Variants in CFAP52 observed in about 807,000 individuals in gnomAD.
The protein encoded by CFAP52 is cilia- and flagella-associated protein 52.
CFAP52 carries 57 observed loss-of-function variants against 70.5 expected under a neutral mutation model. The ratio of observed to expected loss-of-function variants is 0.81; its 90% CI spans 0.65 to 1.01. CFAP52 has a LOEUF of 1.01. Among genes scored for constraint, CFAP52 ranks in the 50% least tolerant of loss-of-function variants. The pLI is 0.00. For missense variants in CFAP52, 785 were observed against 788.5 expected (o/e 1.00, Z 0.05); for synonymous variants, 267 against 292.5 (o/e 0.91, Z 0.89).
At chr17:9,624,475 G>T (rs1410255084) in intron 8 of CFAP52, among the ~76,000 whole-genome samples, 1 of 151,756 alleles carries the variant, frequency 6.6e-6, no homozygotes, top group Non-Finnish European at 1.5e-5. Flanking sequence ...TTTAGTTATT[G>T]TACTTCTTAC....
At chr17:9,605,096 T>C (rs371696052) in intron 6 of CFAP52, among the ~76,000 whole-genome samples, 1 of 152,170 alleles carries the variant, frequency 6.6e-6, no homozygotes, top group South Asian at 2.1e-4. Context: ...TCCTTGCTAT[T>C]TACCCAAAGG....
chr17:9,591,449 C>T (rs1403548483), intron 3 of CFAP52, among the ~76,000 whole-genome samples: 1 of 152,164 alleles, frequency 6.6e-6, no homozygotes, highest in African/African-American at 2.4e-5. Context: ...ATATGAAGGA[C>T]ATCTATGTCC....
Position 9,641,787 on chromosome 17 carries a change from T to A in CFAP52, c.1639T>A (p.Ser547Thr), listed in dbSNP as rs1220752460. The A allele has an allele frequency of 1.9e-6, 3 of 1,613,826 alleles. No homozygotes were observed. The African/African-American group carries it at 4.0e-5, about 22-fold the overall frequency. The change falls in exon 13 of 14, where the codon TCG becomes ACG. Residue 547 changes from serine to threonine, a missense_variant. Transcript: ENST00000352665. ...AGAATTGGAAGGTTCCCTGTCTGGG[T>A]CGATAAATGGCATGGATATCACACA... is the stretch of plus-strand genomic sequence containing the variant. ...IRELEGSLSG[S>T]INGMDITQEG...
rs931737817 is a variant in CFAP52 at position 9,641,950 on chromosome 17, G to T, written c.1687+115G>T. The T allele has an allele frequency of 8.8e-6, 7 of 797,026 alleles. No individual in the cohort carries two copies. The African/African-American group carries it at 1.2e-4, about 14-fold the overall frequency. The allele number at this position is 797,026 out of a possible 1,614,324, so 49.4% of individuals were successfully genotyped here. ...AACAAAAGGGTCTCAAGGCAACTTG[G>T]TTAGAATCAGATTCCAACCAATACT... On this transcript the variant is annotated intron_variant, in intron 13 of 13. Transcript: ENST00000352665.
chr17:9,628,224 A>C (rs1910311017), intron 8 of CFAP52, among the ~76,000 whole-genome samples: 1 of 152,080 alleles, frequency 6.6e-6, no homozygotes, highest in African/African-American at 2.4e-5. Context: ...GATGTTTCAA[A>C]TGGTCTGTAA....
chr17:9,612,170 T>G (rs1254535978), intron 7 of CFAP52, 139 bp from the exon 8 acceptor site: 5 of 1,124,150 alleles, frequency 4.4e-6, no homozygotes, highest in Admixed American at 2.5e-5. Flanking sequence ...GAGTAACTCC[T>G]GCCTTTTCAA....
intron 9 of CFAP52, among the ~76,000 whole-genome samples, 165 bp downstream of exon 9, chr17:9,628,985 C>G (rs916538910): frequency 2.6e-5 from 4 of 152,178 alleles, no homozygotes; most frequent in African/African-American, 9.7e-5. Flanking sequence ...TTCCTTCCAG[C>G]TGGGAGACTT....
intron 10 of CFAP52, among the ~76,000 whole-genome samples, chr17:9,634,578 A>G (rs1396597558): frequency 6.6e-6 from 1 of 152,186 alleles, no homozygotes; most frequent in East Asian, 1.9e-4. Context: ...TGACAGAGCG[A>G]CATTTTGTCT....
intron 8 of CFAP52, among the ~76,000 whole-genome samples, chr17:9,623,596 G>A (rs528207377): frequency 2.3e-4 from 35 of 152,182 alleles, no homozygotes; most frequent in African/African-American, 7.5e-4. Flanking sequence ...ATTTCTGATG[G>A]TCTTCATTCT....
rs1911175499 is a variant in CFAP52 at position 9,643,322 on chromosome 17, C to G, written c.*124C>G. 3.4e-6 allele frequency: 3 copies of G among 870,566 alleles called. No individual in the cohort carries two copies. The highest frequency in any genetic ancestry group is 3.5e-5 in the Admixed American group (1 of 28,350). The allele number at this position is 870,566 out of a possible 1,614,324, so 53.9% of individuals were successfully genotyped here. ...TTTTTGTTCTTGAGTCAATTTTTCT[C>G]TTTTTCTTTATAGAATGCATTTTAT... On this transcript the variant is annotated 3_prime_UTR_variant, in exon 14 of 14. Coordinates refer to ENST00000352665, the MANE Select transcript of CFAP52 (RefSeq NM_145054.5).
rs1220128491 is a variant in CFAP52, at chr17:9,612,466, A to G, written c.1012A>G (p.Ile338Val). The G allele has an allele frequency of 1.2e-6, 2 of 1,613,734 alleles. No individual in the cohort carries two copies. Among genetic ancestry groups the G allele is most frequent in the Non-Finnish European group, 1.7e-6 (2 of 1,179,916 alleles). Residue 338 changes from isoleucine (I) to valine (V), a missense_variant, in exon 8 of 14, where the codon ATT becomes GTT. Coordinates refer to ENST00000352665, the MANE Select transcript of CFAP52 (RefSeq NM_145054.5). ...TTGTCACTTTGATGCTGTCGAGGAT[A>G]TTGTCTTTCCATTGTGAGTAGAAGA... ...ATCHFDAVED[I>V]VFPFGTAELF...
chr17:9,600,220 C>T lies in CFAP52; in HGVS notation c.753+37C>T, dbSNP rs371613095. ...CCATCGCCACTGCCCTGCCATTTTT[C>T]TCCCTTCACTGGCAGCATGTACTTT... On this transcript the variant is annotated intron_variant, in intron 6 of 13. Transcript: ENST00000352665. 11 of 1,537,414 alleles carry T rather than the reference C, an allele frequency of 7.2e-6. No individual in the cohort carries two copies. The Admixed American group carries it at 8.5e-5, about 12-fold the overall frequency.
chr17:9,601,364 A>G (rs1191376133), intron 6 of CFAP52, among the ~76,000 whole-genome samples: 1 of 152,060 alleles, frequency 6.6e-6, no homozygotes, highest in African/African-American at 2.4e-5. Flanking sequence ...ATACATATGT[A>G]ACAAACCTGC....
At chr17:9,644,470 GA>G (rs11348110), downstream of CFAP52, among the ~76,000 whole-genome samples, 2,458 of 152,068 alleles carry the variant, frequency 0.016, 69 homozygotes, top group African/African-American at 0.056. Context: ...CAGAGCGTTA[GA>G]ATACTGCATC....
In CFAP52 at chr17:9,591,877, CA is replaced by C. The variant is rs1042657704; in HGVS notation, c.408-2306del. Reference sequence around the variant, plus strand: ...GGGGCAACAGAGAGAGACCTTGTCTCAAAAAAAAAATTGTTTTTGAAAAATT... The same window carrying C: ...GGGGCAACAGAGAGAGACCTTGTCTCAAAAAAAAATTGTTTTTGAAAAATT... On this transcript the variant is annotated intron_variant, in intron 3 of 13. Transcript: ENST00000352665. 1.7e-3 allele frequency among the ~76,000 whole-genome samples: 254 copies of C among 148,060 alleles called. 1 individual carries two copies. Among genetic ancestry groups the C allele is most frequent in the African/African-American group, 5.6e-3 (224 of 40,320 alleles).
intron 3 of CFAP52, among the ~76,000 whole-genome samples, chr17:9,593,948 A>G (rs372332663): frequency 6.6e-5 from 10 of 152,076 alleles, no homozygotes; most frequent in African/African-American, 2.4e-4. Context: ...CTGGGCAACA[A>G]GAGTGAAACT....
chr17:9,624,777 T>C (rs1041316031), intron 8 of CFAP52, among the ~76,000 whole-genome samples: 7 of 152,156 alleles, frequency 4.6e-5, no homozygotes, highest in African/African-American at 1.4e-4. Flanking sequence ...ATATAGAATA[T>C]ACTATAGCAA....
chr17:9,641,725 T>C lies in CFAP52; in HGVS notation c.1577T>C (p.Ile526Thr), dbSNP rs770066348. 2 of 1,611,420 alleles carry C rather than the reference T, an allele frequency of 1.2e-6. No individual in the cohort carries two copies. The highest frequency in any genetic ancestry group is 1.7e-6 in the Non-Finnish European group (2 of 1,177,728). ...QIITSGTDRK[I>T]AYWEVFDGTV... ...TAATGCTTCTTTCCTGAATTCCAGA[T>C]TGCTTACTGGGAAGTATTTGATGGG... Residue 526 changes from isoleucine to threonine, a missense_variant and splice_region_variant, in exon 13 of 14, where the codon ATT becomes ACT. Coordinates refer to ENST00000352665, the MANE Select transcript of CFAP52 (RefSeq NM_145054.5).
chr17:9,580,554 C>T (rs764994440), intron 1 of CFAP52, among the ~76,000 whole-genome samples: 1 of 151,802 alleles, frequency 6.6e-6, no homozygotes, highest in African/African-American at 2.4e-5. Context: ...CCAGGCATGG[C>T]GATGCATGCC....
Sources: allele counts gnomAD v4.1 joint callset (sites outside exome capture counted in the v4.1 genomes callset), GRCh38; gene constraint gnomAD v4.1.1; transcripts MANE v1.5; gene names NCBI Gene and HGNC (gene_info 2026-07-23, HGNC 2026-07-21).